FLACC1: variants seen among roughly 807,000 people sequenced by gnomAD.
FLACC1 encodes flagellum associated containing coiled-coil domains 1, also known as flagellum-associated coiled-coil domain-containing protein 1.
FLACC1 carries 66 observed loss-of-function variants against 62.8 expected under a neutral mutation model. The ratio of observed to expected loss-of-function variants is 1.05; its 90% CI spans 0.86 to 1.29. The LOEUF (loss-of-function observed/expected upper bound fraction) is 1.29, where lower values mean the gene tolerates loss of function less well. Ranked by LOEUF, FLACC1 falls within the 50% of genes most tolerant of loss-of-function variation. FLACC1 has a pLI of 0.00. For synonymous variants in FLACC1, 156 were observed against 161.0 expected (o/e 0.97, Z 0.24); for missense variants, 452 against 489.1 (o/e 0.92, Z 0.71).
At chr2:201,290,027 G>A (rs79224392) in intron 12 of FLACC1, among the ~76,000 whole-genome samples, 5,257 of 152,194 alleles carry the variant, frequency 0.035, 133 homozygotes, top group South Asian at 0.061. Context: ...CACTAAGCAA[G>A]TCTTTATTAA....
intron 9 of FLACC1, among the ~76,000 whole-genome samples, chr2:201,315,113 A>G (rs1274894391): frequency 6.6e-6 from 1 of 152,088 alleles, no homozygotes; most frequent in Non-Finnish European, 1.5e-5. Flanking sequence ...AGGACCTATA[A>G]TACAAAAAAA....
At chr2:201,309,117 T>G in intron 10 of FLACC1, 34 bp downstream of exon 10, 1 of 1,572,360 alleles carries the variant, frequency 6.4e-7, no homozygotes, top group Non-Finnish European at 8.8e-7. Flanking sequence ...TTTAATGCAC[T>G]TGTCATCAAA....
At chr2:201,303,875 G>T (rs574606058) in intron 11 of FLACC1, among the ~76,000 whole-genome samples, 2 of 151,930 alleles carry the variant, frequency 1.3e-5, no homozygotes, top group Non-Finnish European at 2.9e-5. Flanking sequence ...AACAAAATTC[G>T]AAAACCATTC....
chr2:201,309,585 C>T (rs1465698407), intron 9 of FLACC1, among the ~76,000 whole-genome samples: 1 of 152,032 alleles, frequency 6.6e-6, no homozygotes, highest in African/African-American at 2.4e-5. Flanking sequence ...GTTAGCTCCC[C>T]CTAAATCACA....
At chr2:201,352,920 C>T (rs899954250) in intron 1 of FLACC1, among the ~76,000 whole-genome samples, 1 of 152,140 alleles carries the variant, frequency 6.6e-6, no homozygotes, top group African/African-American at 2.4e-5. Flanking sequence ...GCCAAGGAAT[C>T]GGGGCAGCAT....
intron 7 of FLACC1, among the ~76,000 whole-genome samples, chr2:201,335,154 CTTAT>C (rs1267240168): frequency 1.3e-5 from 2 of 151,924 alleles, no homozygotes; most frequent in Non-Finnish European, 2.9e-5. Context: ...CATTTCTGAT[CTTAT>C]TTATTTGAGT....
intron 8 of FLACC1, 44 bp downstream of exon 8, chr2:201,330,692 C>G (rs891514522): frequency 6.3e-7 from 1 of 1,598,254 alleles, no homozygotes. Context: ...AATGCCATTG[C>G]CTGGACCTTC....
At chr2:201,308,521 A>G (rs1950152273) in intron 10 of FLACC1, among the ~76,000 whole-genome samples, 1 of 152,190 alleles carries the variant, frequency 6.6e-6, no homozygotes, top group African/African-American at 2.4e-5. Context: ...ATAGGTCTGT[A>G]GAGGTCCCAC....
At chr2:201,322,247 G>A in intron 9 of FLACC1, among the ~76,000 whole-genome samples, 1 of 148,504 alleles carries the variant, frequency 6.7e-6, no homozygotes, top group East Asian at 2.0e-4. Flanking sequence ...CTGGGCAACA[G>A]AGTGAGATTC....
At chr2:201,310,362 T>C (rs1297675748) in intron 9 of FLACC1, among the ~76,000 whole-genome samples, 1 of 152,184 alleles carries the variant, frequency 6.6e-6, no homozygotes. Flanking sequence ...TAACTTTTGA[T>C]AGAGCGACCA....
At chr2:201,295,362 T>G (rs1268652581) in intron 12 of FLACC1, among the ~76,000 whole-genome samples, 2 of 152,054 alleles carry the variant, frequency 1.3e-5, no homozygotes, top group East Asian at 3.8e-4. Flanking sequence ...ATGCCATATA[T>G]CTACACTATC....
intron 12 of FLACC1, among the ~76,000 whole-genome samples, chr2:201,296,823 AG>A (rs1949875561): frequency 6.6e-6 from 1 of 152,178 alleles, no homozygotes; most frequent in Admixed American, 6.5e-5. Flanking sequence ...GACCTACTGA[AG>A]GGTTTTAAGC....
intron 2 of FLACC1, among the ~76,000 whole-genome samples, 153 bp downstream of exon 2, chr2:201,351,139 A>G (rs941807022): frequency 1.3e-5 from 2 of 152,220 alleles, no homozygotes; most frequent in African/African-American, 4.8e-5. Flanking sequence ...GGGTGCAGCC[A>G]ACCAGCTGGC....
chr2:201,352,989 G>C (rs1402531624), intron 1 of FLACC1, among the ~76,000 whole-genome samples: 1 of 152,202 alleles, frequency 6.6e-6, no homozygotes, highest in Non-Finnish European at 1.5e-5. Context: ...AAGGAATGCA[G>C]CTCTGCCGAC....
chr2:201,347,081 A>G (rs1950930768), intron 4 of FLACC1, among the ~76,000 whole-genome samples: 1 of 152,244 alleles, frequency 6.6e-6, no homozygotes, highest in Admixed American at 6.5e-5. Flanking sequence ...TCCTTATCAG[A>G]AAGTGGGGTT....
chr2:201,288,428 A>G lies in FLACC1; in HGVS notation c.*227T>C, dbSNP rs538757958. 1 of 420,622 alleles carries G rather than the reference A, an allele frequency of 2.4e-6. No homozygotes were observed. Among genetic ancestry groups the G allele is most frequent in the Non-Finnish European group, 4.1e-6 (1 of 243,208 alleles). The allele number at this position is 420,622 out of a possible 1,614,324, so 26.1% of individuals were successfully genotyped here. A position where few individuals can be genotyped will look rare whatever the true frequency, so the allele number is the denominator to read the frequency against. ...AGAAGAAAAATAGTACAAAACTCAG[A>G]GAAAGCTCAGCTCCCAGTATGGAGA... On this transcript the variant is annotated 3_prime_UTR_variant, in exon 15 of 15. Coordinates refer to ENST00000392257, the MANE Select transcript of FLACC1 (RefSeq NM_001127391.3).
upstream of FLACC1, among the ~76,000 whole-genome samples, chr2:201,361,960 C>T (rs1487945067): frequency 1.3e-5 from 2 of 152,334 alleles, no homozygotes; most frequent in East Asian, 1.9e-4. Flanking sequence ...TGCCAGCCAA[C>T]AGTTGTATTT....
chr2:201,314,166 C>A (rs919894054), intron 9 of FLACC1, among the ~76,000 whole-genome samples: 1 of 151,992 alleles, frequency 6.6e-6, no homozygotes, highest in Non-Finnish European at 1.5e-5. Flanking sequence ...CTTTAACATC[C>A]CCCACAAAAT....
intron 1 of FLACC1, chr2:201,352,070 T>C (rs1442966991): frequency 1.3e-5 from 2 of 152,214 alleles, no homozygotes; most frequent in Non-Finnish European, 1.5e-5. Flanking sequence ...ATACTATAGA[T>C]GAAGCTACTG....
Sources: allele counts gnomAD v4.1 joint callset (sites outside exome capture counted in the v4.1 genomes callset), GRCh38; gene constraint gnomAD v4.1.1; transcripts MANE v1.5; gene names NCBI Gene and HGNC (gene_info 2026-07-23, HGNC 2026-07-21).